The following FANCC variants were observed in gnomAD, a reference collection of about 807,000 sequenced individuals.
The protein encoded by FANCC is FA complementation group C, also known as Fanconi anemia group C protein.
Under a neutral mutation model 71.3 loss-of-function variants are expected in FANCC, and 55 were observed. The ratio of observed to expected loss-of-function variants is 0.77; its 90% CI spans 0.62 to 0.97. FANCC has a LOEUF of 0.97. Among genes scored for constraint, FANCC ranks in the 50% least tolerant of loss-of-function variants. The pLI is 0.00. For synonymous variants in FANCC, 275 were observed against 244.9 expected, an observed-to-expected ratio of 1.12 and a Z score of -1.15; for missense variants, 678 against 670.9, an observed-to-expected ratio of 1.01 and a Z score of -0.12.
intron 6 of FANCC, among the ~76,000 whole-genome samples, chr9:95,153,449 A>C (rs895022261): frequency 6.6e-6 from 1 of 152,120 alleles, no homozygotes; most frequent in Non-Finnish European, 1.5e-5. Flanking sequence ...GGTTGCACTA[A>C]TTTATATTCC....
At chr9:95,302,729 C>T (rs560698403) in intron 1 of FANCC, among the ~76,000 whole-genome samples, 10 of 152,178 alleles carry the variant, frequency 6.6e-5, no homozygotes, top group Non-Finnish European at 1.5e-4. Context: ...CAGAGCAGCA[C>T]GGCTCAGATA....
rs2071067388 is a variant in FANCC at position 95,101,385 on chromosome 9, G to GT, written c.*321dup. The GT allele has an allele frequency of 2.4e-6, 1 of 424,798 alleles. No homozygotes were observed. The highest frequency in any genetic ancestry group is 4.3e-6 in the Non-Finnish European group (1 of 231,482). 26.3% of individuals were successfully genotyped at this position (424,798 alleles called of 1,614,324 possible). The stretch of plus-strand genomic sequence containing the variant: ...ATAATAGATGTGCAGCTTGACTTGG[G>GT]TAAAAACTAGAAACCTGTTCTCCCA... On this transcript the variant is annotated 3_prime_UTR_variant, in exon 15 of 15. Coordinates refer to ENST00000289081, the MANE Select transcript of FANCC (RefSeq NM_000136.3).
rs955552891 is a variant in FANCC at position 95,293,034 on chromosome 9, G to A, written c.-79+24492C>T. ...TAAGAAAAGGAAAATGGAAAACTGT[G>A]CAAAACCAGAAGTTATCCAACAAGA... On this transcript the variant is annotated intron_variant, in intron 1 of 14. Transcript: ENST00000289081. 3.8e-6 allele frequency: 6 copies of A among 1,593,472 alleles called. No individual in the cohort carries two copies. The African/African-American group carries it at 6.7e-5, about 18-fold the overall frequency.
At chr9:95,167,856 A>G (rs1170256099) in intron 6 of FANCC, among the ~76,000 whole-genome samples, 2 of 152,112 alleles carry the variant, frequency 1.3e-5, no homozygotes, top group African/African-American at 4.8e-5. Flanking sequence ...TCATCCCTTG[A>G]TTATGCCACG....
At chr9:95,175,142 C>T (rs1227579709) in intron 4 of FANCC, among the ~76,000 whole-genome samples, 1 of 151,996 alleles carries the variant, frequency 6.6e-6, no homozygotes, top group Non-Finnish European at 1.5e-5. Context: ...CCCCTGCCTC[C>T]GTATCCTTAA....
chr9:95,288,238 C>T (rs924127772), intron 1 of FANCC, among the ~76,000 whole-genome samples: 1 of 152,168 alleles, frequency 6.6e-6, no homozygotes, highest in Non-Finnish European at 1.5e-5. Context: ...ATTTTATTTA[C>T]AATTTCATTA....
At chr9:95,175,278 A>C (rs187803818) in intron 4 of FANCC, among the ~76,000 whole-genome samples, 1 of 151,472 alleles carries the variant, frequency 6.6e-6, no homozygotes, top group East Asian at 2.0e-4. Flanking sequence ...ATTACTACTC[A>C]GTAGAAGACG....
intron 6 of FANCC, among the ~76,000 whole-genome samples, chr9:95,160,595 T>C (rs941275811): frequency 5.3e-5 from 8 of 152,208 alleles, no homozygotes; most frequent in African/African-American, 1.2e-4. Context: ...GGGGATGGCA[T>C]TGAATCTATA....
chr9:95,134,200 G>C (rs926750787), intron 8 of FANCC, among the ~76,000 whole-genome samples: 1 of 152,180 alleles, frequency 6.6e-6, no homozygotes, highest in African/African-American at 2.4e-5. Context: ...GGGGAGAAAC[G>C]GGATCGCGGA....
chr9:95,177,386 G>A (rs1391607225), intron 4 of FANCC, among the ~76,000 whole-genome samples: 2 of 152,162 alleles, frequency 1.3e-5, no homozygotes, highest in African/African-American at 4.8e-5. Flanking sequence ...TGAGTAAATG[G>A]GGAGTGAATA....
chr9:95,188,863 C>T (rs1246942840), intron 4 of FANCC, among the ~76,000 whole-genome samples: 2 of 152,172 alleles, frequency 1.3e-5, no homozygotes, highest in Non-Finnish European at 1.5e-5. Context: ...TCTCATTTCA[C>T]TCTGCATACT....
intron 1 of FANCC, among the ~76,000 whole-genome samples, chr9:95,311,233 CAA>C (rs10710492): frequency 2.1e-3 from 157 of 76,020 alleles, no homozygotes; most frequent in African/African-American, 7.4e-3. Flanking sequence ...GATTCCGTCT[CAA>C]AAAAAAAAAA....
intron 1 of FANCC, among the ~76,000 whole-genome samples, chr9:95,278,813 T>C (rs1833200949): frequency 1.8e-4 from 2 of 10,888 alleles, no homozygotes; most frequent in Non-Finnish European, 4.4e-4. Flanking sequence ...CGGCAAACTC[T>C]AGAGTAGCCA....
chr9:95,219,914 T>C (rs548190152), intron 4 of FANCC, among the ~76,000 whole-genome samples: 71 of 152,130 alleles, frequency 4.7e-4, no homozygotes, highest in Admixed American at 9.2e-4. Context: ...GAAACTACCA[T>C]CAGAGTGAAC....
At chr9:95,181,096 G>A in intron 4 of FANCC, among the ~76,000 whole-genome samples, 1 of 151,782 alleles carries the variant, frequency 6.6e-6, no homozygotes, top group East Asian at 1.9e-4. Context: ...CGGAAACCTT[G>A]AATGTACCTA....
At chr9:95,204,128 A>T (rs549911155) in intron 4 of FANCC, among the ~76,000 whole-genome samples, 2 of 152,362 alleles carry the variant, frequency 1.3e-5, no homozygotes, top group East Asian at 3.9e-4. Flanking sequence ...TGTTCTTTAT[A>T]GACAAAAGGC....
intron 12 of FANCC, among the ~76,000 whole-genome samples, chr9:95,112,567 T>C (rs755514620): frequency 5.0e-4 from 76 of 152,226 alleles, no homozygotes; most frequent in Non-Finnish European, 2.4e-4. Context: ...GGAGGCCACG[T>C]TGGCTGTGGG....
At chr9:95,107,724 CG>C (rs1295736271) in intron 13 of FANCC, among the ~76,000 whole-genome samples, 6 of 152,028 alleles carry the variant, frequency 3.9e-5, no homozygotes, top group South Asian at 2.1e-4. Flanking sequence ...GGGGTCAGGG[CG>C]GGGGGTCGGG....
chr9:95,182,983 A>C (rs1389544968), intron 4 of FANCC, among the ~76,000 whole-genome samples: 1 of 151,948 alleles, frequency 6.6e-6, no homozygotes, highest in African/African-American at 2.4e-5. Flanking sequence ...CTGCCCCTAC[A>C]TGGCCTCAGC....
Sources: gnomAD v4.1 joint callset for allele counts (sites outside exome capture counted in the v4.1 genomes callset) on GRCh38, gnomAD v4.1.1 for gene constraint, MANE v1.5 for transcripts, NCBI Gene and HGNC (gene_info 2026-07-23, HGNC 2026-07-21) for gene names.